The following TRPC5 variants were observed in gnomAD, a reference collection of about 807,000 sequenced individuals.
The protein encoded by TRPC5 is transient receptor potential cation channel subfamily C member 5, also known as short transient receptor potential channel 5.
TRPC5 carries 9 observed loss-of-function variants against 56.5 expected under a neutral mutation model. The ratio of observed to expected loss-of-function variants is 0.16; its 90% CI spans 0.10 to 0.28. TRPC5 has a LOEUF of 0.28. Ranked by LOEUF, TRPC5 falls within the 10% of genes least tolerant of loss-of-function variation. The probability of loss-of-function intolerance (pLI) is 1.00; values close to 1 mark genes in which losing one functional copy is unlikely to be tolerated. For synonymous variants in TRPC5, 282 were observed against 278.5 expected, an observed-to-expected ratio of 1.01 and a Z score of -0.13; for missense variants, 469 against 748.9, an observed-to-expected ratio of 0.63 and a Z score of 4.36.
rs1922162646 is a variant in TRPC5, at chrX:111,825,151, CTTTCTTTCTTTCTTTCTTTCTTT to C, written c.1896+9747_1896+9769del. Among the ~76,000 whole-genome samples the C allele has an allele frequency of 1.5e-3, 33 of 22,152 alleles. 1 individual carries two copies. Among genetic ancestry groups the C allele is most frequent in the African/African-American group, 2.2e-3 (29 of 13,436 alleles). The allele number at this position is 22,152 out of a possible 115,157, so 19.2% of individuals were successfully genotyped here. On this transcript the variant is annotated intron_variant, in intron 7 of 10. Transcript: ENST00000262839. Reference sequence around the variant, plus strand: ...TTTTCCTTCCTTCCTTCCTTCCTTTCTTTCTTTCTTTCTTTCTTTCTTTCTTTCTTTCTTTCTTTCTTTCTTTC... The same window carrying C: ...TTTTCCTTCCTTCCTTCCTTCCTTTCCTTTCTTTCTTTCTTTCTTTCTTTC...
chrX:112,022,598 G>A (rs762367616), intron 1 of TRPC5, among the ~76,000 whole-genome samples: 1 of 112,244 alleles, frequency 8.9e-6, no homozygotes, highest in Non-Finnish European at 1.9e-5. Context: ...GCTTTGTAGT[G>A]TAATTGTCAT....
chrX:111,835,875 A>G (rs1341530750), intron 6 of TRPC5, among the ~76,000 whole-genome samples: 1 of 112,294 alleles, frequency 8.9e-6, no homozygotes, highest in Non-Finnish European at 1.9e-5. Flanking sequence ...CTTTATACAG[A>G]TAATTGTTAA....
chrX:111,848,800 A>G (rs1923003235), intron 5 of TRPC5, among the ~76,000 whole-genome samples: 1 of 111,772 alleles, frequency 8.9e-6, no homozygotes, highest in African/African-American at 3.3e-5. Flanking sequence ...GCCAAATCTT[A>G]TATTTCTACA....
At chrX:112,013,250 A>G (rs900474807) in intron 1 of TRPC5, among the ~76,000 whole-genome samples, 1 of 111,361 alleles carries the variant, frequency 9.0e-6, no homozygotes, top group South Asian at 3.8e-4. Flanking sequence ...TCCCAGGTTC[A>G]AGCAATTCTC....
At chrX:111,934,917 T>A (rs1926522831) in intron 2 of TRPC5, among the ~76,000 whole-genome samples, 1 of 112,590 alleles carries the variant, frequency 8.9e-6, no homozygotes, top group South Asian at 3.6e-4. Context: ...TTGTGAAGAA[T>A]GCTGCAATAA....
At position 111,768,863 on chromosome X, in the gene TRPC5, A is replaced by G. The variant is rs575312701; in HGVS notation, c.*7450T>C. Among the ~76,000 whole-genome samples the G allele has an allele frequency of 1.3e-4, 15 of 111,564 alleles. No individual in the cohort carries two copies. Among genetic ancestry groups the G allele is most frequent in the African/African-American group, 4.5e-4 (14 of 30,771 alleles). On this transcript the variant is annotated 3_prime_UTR_variant, in exon 11 of 11. Transcript: ENST00000262839. ...GCTGCTTCTCCTGCCCACGTACACT[A>G]AGCACAGTTATCACTGATTTATTGG...
At chrX:111,974,215 T>C (rs1039811145) in intron 1 of TRPC5, among the ~76,000 whole-genome samples, 2 of 111,912 alleles carry the variant, frequency 1.8e-5, no homozygotes, top group Non-Finnish European at 3.8e-5. Context: ...AAGGGTTCTA[T>C]AATTTTCTAA....
At chrX:112,031,874 G>A (rs1929594804) in intron 1 of TRPC5, among the ~76,000 whole-genome samples, 2 of 106,125 alleles carry the variant, frequency 1.9e-5, no homozygotes, top group African/African-American at 3.4e-5. Flanking sequence ...ATATTCCATT[G>A]TATATATATA....
chrX:111,964,676 C>T (rs967685320), intron 1 of TRPC5, among the ~76,000 whole-genome samples: 9 of 111,919 alleles, frequency 8.0e-5, no homozygotes, highest in South Asian at 3.8e-4. Flanking sequence ...TATTCAACAC[C>T]CTTAAAGAAA....
At chrX:111,966,076 T>C (rs1427912672) in intron 1 of TRPC5, among the ~76,000 whole-genome samples, 5 of 111,211 alleles carry the variant, frequency 4.5e-5, no homozygotes, top group East Asian at 2.8e-4. Flanking sequence ...ATTGATAGAC[T>C]GCTAGCAAGA....
chrX:112,046,755 GAAT>G (rs1930036630), intron 1 of TRPC5, among the ~76,000 whole-genome samples: 1 of 111,212 alleles, frequency 9.0e-6, no homozygotes, highest in Non-Finnish European at 1.9e-5. Flanking sequence ...AGAAATATGT[GAAT>G]AATAATAACT....
intron 7 of TRPC5, among the ~76,000 whole-genome samples, chrX:111,806,493 T>C (rs933828820): frequency 8.9e-6 from 1 of 112,158 alleles, no homozygotes; most frequent in South Asian, 3.7e-4. Context: ...CTCAGTTCCT[T>C]GCCATGTGGG....
At chrX:111,928,839 G>T (rs1420210412) in intron 2 of TRPC5, among the ~76,000 whole-genome samples, 1 of 112,209 alleles carries the variant, frequency 8.9e-6, no homozygotes, top group Non-Finnish European at 1.9e-5. Flanking sequence ...TCTGAAACTT[G>T]AGAAAGCAAA....
intron 1 of TRPC5, among the ~76,000 whole-genome samples, chrX:111,964,753 A>C (rs745656136): frequency 5.9e-4 from 66 of 111,369 alleles, no homozygotes; most frequent in African/African-American, 1.8e-3. Flanking sequence ...GAAATAAAAT[A>C]CTTTACAGAC....
intron 2 of TRPC5, among the ~76,000 whole-genome samples, chrX:111,944,506 A>C (rs1026325834): frequency 9.0e-6 from 1 of 110,734 alleles, no homozygotes; most frequent in South Asian, 3.9e-4. Flanking sequence ...TAGTGGGTTG[A>C]ACTGTGTCCC....
At chrX:111,875,205 A>G (rs935227966) in intron 3 of TRPC5, among the ~76,000 whole-genome samples, 7 of 112,263 alleles carry the variant, frequency 6.2e-5, no homozygotes, top group African/African-American at 1.6e-4. Context: ...TAAAAATGGT[A>G]GTTAAATTAC....
intron 3 of TRPC5, chrX:111,901,647 G>A: frequency 3.0e-6 from 1 of 337,881 alleles, no homozygotes; most frequent in Non-Finnish European, 5.1e-6. Flanking sequence ...TCTGTGCGCG[G>A]TTTACCAACA....
intron 7 of TRPC5, among the ~76,000 whole-genome samples, chrX:111,789,542 A>C (rs1468057299): frequency 8.9e-6 from 1 of 112,327 alleles, no homozygotes; most frequent in Non-Finnish European, 1.9e-5. Flanking sequence ...AAGCAATGCC[A>C]ACAAAAGTCA....
chrX:111,946,009 A>G (rs1449013412), intron 2 of TRPC5, among the ~76,000 whole-genome samples: 3 of 112,526 alleles, frequency 2.7e-5, no homozygotes, highest in Non-Finnish European at 5.6e-5. Flanking sequence ...ATCTCCCAGA[A>G]AGACAGAGCT....
Sources: allele counts gnomAD v4.1 joint callset (sites outside exome capture counted in the v4.1 genomes callset), GRCh38; gene constraint gnomAD v4.1.1; transcripts MANE v1.5; gene names NCBI Gene and HGNC (gene_info 2026-07-23, HGNC 2026-07-21).